PCCA: variants seen among roughly 807,000 people sequenced by gnomAD.
The protein encoded by PCCA is propionyl-CoA carboxylase subunit alpha.
PCCA carries 74 observed loss-of-function variants against 101.3 expected under a neutral mutation model. That is an observed-to-expected ratio of 0.73 (90% confidence interval 0.61 to 0.89). The LOEUF is 0.89. PCCA is among the 40% of genes least tolerant of loss of function. The pLI is 0.00. For missense variants in PCCA, 891 were observed against 907.0 expected, an observed-to-expected ratio of 0.98 and a Z score of 0.23; for synonymous variants, 294 against 313.6, an observed-to-expected ratio of 0.94 and a Z score of 0.66.
intron 16 of PCCA, among the ~76,000 whole-genome samples, chr13:100,316,070 A>G (rs1282565332): frequency 6.6e-6 from 1 of 152,084 alleles, no homozygotes; most frequent in Non-Finnish European, 1.5e-5. Flanking sequence ...TACTTTTCTG[A>G]TTATTACCCT....
chr13:100,505,995 T>G (rs1041818501), intron 21 of PCCA, among the ~76,000 whole-genome samples: 1 of 152,168 alleles, frequency 6.6e-6, no homozygotes, highest in African/African-American at 2.4e-5. Flanking sequence ...CTTCGTAAAT[T>G]TAATCCTCAA....
At chr13:100,472,412 G>C (rs1334142003) in intron 21 of PCCA, among the ~76,000 whole-genome samples, 2 of 152,158 alleles carry the variant, frequency 1.3e-5, no homozygotes, top group Admixed American at 6.5e-5. Flanking sequence ...TGATTTTGCA[G>C]GGTGTTTGGA....
At chr13:100,299,405 C>A (rs992628983) in intron 12 of PCCA, among the ~76,000 whole-genome samples, 9 of 152,118 alleles carry the variant, frequency 5.9e-5, no homozygotes, top group African/African-American at 1.2e-4. Context: ...AATTGTATAG[C>A]CATTGCATAT....
At chr13:100,336,833 C>T (rs2070539889) in intron 17 of PCCA, among the ~76,000 whole-genome samples, 1 of 152,180 alleles carries the variant, frequency 6.6e-6, no homozygotes, top group Non-Finnish European at 1.5e-5. Context: ...CGTTCCAAGG[C>T]TGGGTTTAAG....
chr13:100,211,173 G>T (rs906675330), intron 7 of PCCA, among the ~76,000 whole-genome samples: 1 of 152,166 alleles, frequency 6.6e-6, no homozygotes, highest in African/African-American at 2.4e-5. Flanking sequence ...CATGATCTGC[G>T]TATCATAGTT....
chr13:100,507,723 C>T (rs1166339706), intron 21 of PCCA, among the ~76,000 whole-genome samples: 2 of 152,130 alleles, frequency 1.3e-5, no homozygotes, highest in East Asian at 3.9e-4. Flanking sequence ...GTGGCGCGAT[C>T]TCGGCTCCCT....
chr13:100,232,389 T>TGGGGGGGGGG (rs1566760222), intron 7 of PCCA, among the ~76,000 whole-genome samples: 3 of 149,620 alleles, frequency 2.0e-5, no homozygotes, highest in African/African-American at 7.6e-5. Context: ...TGTGTGTGTG[T>TGGGGGGGGGG]GTGGTTTTAG....
chr13:100,522,071 C>T (rs931666908), intron 22 of PCCA, among the ~76,000 whole-genome samples: 1 of 152,210 alleles, frequency 6.6e-6, no homozygotes, highest in African/African-American at 2.4e-5. Flanking sequence ...GCGGTCTGAA[C>T]AGGCAGGAAA....
chr13:100,245,192 T>TA (rs908877943), intron 8 of PCCA, among the ~76,000 whole-genome samples: 11 of 152,124 alleles, frequency 7.2e-5, no homozygotes, highest in Non-Finnish European at 1.5e-4. Flanking sequence ...TATGATCAAA[T>TA]AAAAAATGAG....
At chr13:100,122,206 C>T (rs2049475004) in intron 4 of PCCA, among the ~76,000 whole-genome samples, 1 of 152,130 alleles carries the variant, frequency 6.6e-6, no homozygotes, top group Non-Finnish European at 1.5e-5. Flanking sequence ...ATTAATCCCA[C>T]TTGGTCATGC....
chr13:100,359,096 C>CCA (rs1555432517), intron 18 of PCCA, among the ~76,000 whole-genome samples: 3 of 103,784 alleles, frequency 2.9e-5, no homozygotes, highest in African/African-American at 7.7e-5. Context: ...CAAGACTCCT[C>CCA]AAAAAAAAAA....
intron 21 of PCCA, among the ~76,000 whole-genome samples, chr13:100,513,989 G>T (rs1441694357): frequency 6.6e-6 from 1 of 152,158 alleles, no homozygotes; most frequent in Non-Finnish European, 1.5e-5. Flanking sequence ...GAAGGACTTG[G>T]AGGTACAATT....
intron 19 of PCCA, among the ~76,000 whole-genome samples, chr13:100,413,126 A>G (rs2078153635): frequency 6.6e-6 from 1 of 152,216 alleles, no homozygotes; most frequent in Admixed American, 6.5e-5. Flanking sequence ...AAATGCATTT[A>G]TTGTTGGCCA....
At chr13:100,310,976 C>G (rs759380682) in intron 16 of PCCA, among the ~76,000 whole-genome samples, 9 of 152,028 alleles carry the variant, frequency 5.9e-5, no homozygotes, top group Non-Finnish European at 1.3e-4. Context: ...TGGCTCACAC[C>G]CGTAATCCTA....
At chr13:100,144,158 T>C (rs2052249685) in intron 4 of PCCA, among the ~76,000 whole-genome samples, 1 of 152,218 alleles carries the variant, frequency 6.6e-6, no homozygotes, top group East Asian at 1.9e-4. Flanking sequence ...CTGCTTTTCA[T>C]GATTACCTTC....
chr13:100,287,251 G>C (rs1218008675), intron 12 of PCCA, among the ~76,000 whole-genome samples: 1 of 151,674 alleles, frequency 6.6e-6, no homozygotes, highest in African/African-American at 2.4e-5. Context: ...ATATATTATA[G>C]TACAGTATCT....
chr13:100,373,994 C>T (rs2075745431), intron 19 of PCCA, among the ~76,000 whole-genome samples: 1 of 152,070 alleles, frequency 6.6e-6, no homozygotes, highest in Non-Finnish European at 1.5e-5. Context: ...CGCCTGTAAT[C>T]CCAGCTACTT....
At chr13:100,489,409 C>G (rs192945447) in intron 21 of PCCA, among the ~76,000 whole-genome samples, 123 of 152,288 alleles carry the variant, frequency 8.1e-4, no homozygotes, top group Non-Finnish European at 1.4e-3. Flanking sequence ...GTGTAACATG[C>G]AAAACAGGTA....
intron 16 of PCCA, among the ~76,000 whole-genome samples, chr13:100,319,417 A>G (rs933398705): frequency 3.3e-5 from 5 of 152,182 alleles, no homozygotes; most frequent in Non-Finnish European, 7.3e-5. Flanking sequence ...GCCCATGTCT[A>G]TGTCCTGAAT....
Sources: allele counts gnomAD v4.1 joint callset (sites outside exome capture counted in the v4.1 genomes callset), GRCh38; gene constraint gnomAD v4.1.1; transcripts MANE v1.5; gene names NCBI Gene and HGNC (gene_info 2026-07-23, HGNC 2026-07-21).